YME1L1: variants seen among roughly 807,000 people sequenced by gnomAD.
YME1L1 encodes the protein YME1 like 1 ATPase.
In YME1L1, 39 loss-of-function variants were observed where a neutral mutation model predicts 90.4. The ratio of observed to expected loss-of-function variants is 0.43; its 90% CI spans 0.33 to 0.56. YME1L1 has a LOEUF of 0.56. YME1L1 is among the 20% of genes least tolerant of loss of function. YME1L1 has a pLI of 0.03. For synonymous variants in YME1L1, 284 were observed against 287.3 expected, an observed-to-expected ratio of 0.99 and a Z score of 0.12; for missense variants, 617 against 868.4, an observed-to-expected ratio of 0.71 and a Z score of 3.64.
At chr10:27,126,590 C>T (rs2056921752) in intron 9 of YME1L1, 106 bp downstream of exon 9, 1 of 595,202 alleles carries the variant, frequency 1.7e-6, no homozygotes, top group African/African-American at 2.0e-5. Context: ...GCAATTAAGA[C>T]TTAAACTTTA....
chr10:27,132,394 C>T (rs533059995), intron 7 of YME1L1, among the ~76,000 whole-genome samples: 10 of 152,174 alleles, frequency 6.6e-5, no homozygotes, highest in East Asian at 3.9e-4. Context: ...CCACTACGCC[C>T]GGCTGGTCTT....
chr10:27,143,699 T>TAAAAAAAAA (rs10671752), intron 3 of YME1L1, among the ~76,000 whole-genome samples: 1 of 134,326 alleles, frequency 7.4e-6, no homozygotes, highest in Admixed American at 7.6e-5. Flanking sequence ...CTCGTCTCTT[T>TAAAAAAAAA]AAAAAAAAAA....
chr10:27,151,405 A>G (rs1448562186), intron 1 of YME1L1, among the ~76,000 whole-genome samples: 1 of 152,238 alleles, frequency 6.6e-6, no homozygotes, highest in Non-Finnish European at 1.5e-5. Flanking sequence ...CATTTAGTTC[A>G]GGAGGGCTCT....
intron 2 of YME1L1, chr10:27,145,990 T>A (rs2057139937): frequency 6.4e-6 from 1 of 155,446 alleles, no homozygotes; most frequent in African/African-American, 2.4e-5. Context: ...GTCTATCAAC[T>A]ATTGATCAAG....
chr10:27,149,504 G>A (rs551850691), intron 1 of YME1L1, among the ~76,000 whole-genome samples: 86 of 151,984 alleles, frequency 5.7e-4, no homozygotes, highest in African/African-American at 2.1e-3. Flanking sequence ...GAGGTCAGGA[G>A]TTCAAGACCA....
At chr10:27,129,657 G>C (rs974316589) in intron 8 of YME1L1, among the ~76,000 whole-genome samples, 3 of 151,858 alleles carry the variant, frequency 2.0e-5, no homozygotes, top group Admixed American at 2.0e-4. Context: ...TAATGGCAAA[G>C]CACAGAGAAG....
rs746000580 is a variant in YME1L1, at chr10:27,154,170, T to C, written c.33+8A>G. ...GAGGAAAAAAAATGGGCTGAATGCC[T>C]GGCTTACCTGGGGTTGCACCGTGCT... On this transcript the variant is annotated splice_region_variant and intron_variant, in intron 1 of 18. Coordinates refer to ENST00000376016, the MANE Select transcript of YME1L1 (RefSeq NM_014263.4). 6.3e-7 allele frequency: 1 copy of C among 1,588,902 alleles called. No homozygotes were observed. The highest frequency in any genetic ancestry group is 8.6e-7 in the Non-Finnish European group (1 of 1,166,704).
intron 2 of YME1L1, chr10:27,146,201 C>T: frequency 6.6e-6 from 1 of 152,168 alleles, no homozygotes; most frequent in East Asian, 1.9e-4. Flanking sequence ...TAAACAAAAG[C>T]CCACTTGACA....
intron 2 of YME1L1, chr10:27,145,928 T>C (rs2135899430): frequency 6.1e-6 from 1 of 163,394 alleles, no homozygotes; most frequent in South Asian, 1.7e-4. Flanking sequence ...TCAAGTGAAA[T>C]GTATGGCATT....
At position 27,111,822 on chromosome 10, in the gene YME1L1, A is replaced by T; in HGVS notation, c.*155T>A. ...ATAGGTGTCATAATGAGAATAACCC[A>T]AACTGGATAAATGTGACAAATGATT... On this transcript the variant is annotated 3_prime_UTR_variant, in exon 19 of 19. Transcript: ENST00000376016. 2.0e-6 allele frequency: 2 copies of T among 1,022,218 alleles called. No homozygotes were observed. Among genetic ancestry groups the T allele is most frequent in the Non-Finnish European group, 3.0e-6 (2 of 661,354 alleles). The allele number at this position is 1,022,218 out of a possible 1,614,324, so 63.3% of individuals were successfully genotyped here. A position where few individuals can be genotyped will look rare whatever the true frequency, so the allele number is the denominator to read the frequency against.
intron 2 of YME1L1, chr10:27,147,359 A>T: frequency 6.8e-7 from 1 of 1,479,708 alleles, no homozygotes; most frequent in Admixed American, 1.9e-5. Flanking sequence ...AAAACAAACA[A>T]ACAAAGAAAC....
intron 1 of YME1L1, among the ~76,000 whole-genome samples, chr10:27,149,247 G>T (rs910867414): frequency 6.6e-6 from 1 of 152,152 alleles, no homozygotes; most frequent in East Asian, 1.9e-4. Context: ...TAAATCAAAA[G>T]TATCAAAAAT....
chr10:27,112,256 T>A, intron 18 of YME1L1, 136 bp from the exon 19 acceptor site: 14 of 815,524 alleles, frequency 1.7e-5, no homozygotes, highest in Non-Finnish European at 2.2e-5. Flanking sequence ...ATGTAGAATC[T>A]TGATTCTACA....
intron 15 of YME1L1, 93 bp downstream of exon 15, chr10:27,117,483 G>T: frequency 7.4e-7 from 1 of 1,345,984 alleles, no homozygotes; most frequent in African/African-American, 1.5e-5. Context: ...TGAAAGAATC[G>T]TTTGAATCCG....
chr10:27,130,597 C>G (rs958369899), intron 8 of YME1L1, among the ~76,000 whole-genome samples: 1 of 152,206 alleles, frequency 6.6e-6, no homozygotes, highest in African/African-American at 2.4e-5. Context: ...CCGTGGCTCA[C>G]GCCTGTAATC....
At chr10:27,134,324 C>T (rs1037729510) in intron 6 of YME1L1, among the ~76,000 whole-genome samples, 37 of 152,190 alleles carry the variant, frequency 2.4e-4, no homozygotes, top group African/African-American at 8.9e-4. Flanking sequence ...TGGCTCATGC[C>T]TGTAATCCTA....
chr10:27,134,647 T>C (rs2057008419), intron 6 of YME1L1, among the ~76,000 whole-genome samples, 184 bp downstream of exon 6: 1 of 152,270 alleles, frequency 6.6e-6, no homozygotes, highest in African/African-American at 2.4e-5. Context: ...GTTCTCCAAT[T>C]TGTTTTCTCT....
intron 1 of YME1L1, among the ~76,000 whole-genome samples, chr10:27,153,887 C>G (rs1049584743): frequency 6.6e-6 from 1 of 152,116 alleles, no homozygotes; most frequent in East Asian, 1.9e-4. Context: ...CTGAACAATG[C>G]CGGACGGATT....
intron 18 of YME1L1, among the ~76,000 whole-genome samples, chr10:27,113,219 CAAAAAAAAAAAAAAAAAAAAA>C (rs869122796): frequency 3.9e-4 from 17 of 43,104 alleles, no homozygotes; most frequent in South Asian, 7.6e-4. Context: ...GATGCTGTCT[CAAAAAAAAAAAAAAAAAAAAA>C]AAAAAAAAAA....
Sources: gnomAD v4.1 joint callset for allele counts (sites outside exome capture counted in the v4.1 genomes callset) on GRCh38, gnomAD v4.1.1 for gene constraint, MANE v1.5 for transcripts, NCBI Gene and HGNC (gene_info 2026-07-23, HGNC 2026-07-21) for gene names.